Variants in NRSN1 observed in about 807,000 individuals in gnomAD.
The protein encoded by NRSN1 is neurensin 1.
A neutral mutation model predicts 17.3 loss-of-function variants in NRSN1; 14 were observed. The ratio of observed to expected loss-of-function variants is 0.81; its 90% CI spans 0.54 to 1.27. NRSN1 has a LOEUF of 1.27. NRSN1 is among the 50% of genes most tolerant of loss of function. NRSN1 has a pLI of 0.00. For missense variants in NRSN1, 209 were observed against 235.9 expected, an observed-to-expected ratio of 0.89 and a Z score of 0.75; for synonymous variants, 79 against 94.2, an observed-to-expected ratio of 0.84 and a Z score of 0.93.
chr6:24,127,220 A>C (rs1301204036), intron 1 of NRSN1, among the ~76,000 whole-genome samples: 1 of 152,174 alleles, frequency 6.6e-6, no homozygotes, highest in South Asian at 2.1e-4. Flanking sequence ...CAGGAGGCTA[A>C]TATAATTTGC....
At chr6:24,133,244 T>C (rs12210008) in intron 2 of NRSN1, among the ~76,000 whole-genome samples, 11,025 of 152,260 alleles carry the variant, frequency 0.072, 547 homozygotes, top group East Asian at 0.17. Flanking sequence ...AAAGGTTGTG[T>C]CCACTCTCCA....
At chr6:24,135,107 A>G (rs1052065587) in intron 3 of NRSN1, among the ~76,000 whole-genome samples, 7 of 152,202 alleles carry the variant, frequency 4.6e-5, no homozygotes, top group East Asian at 1.9e-4. Context: ...TCTGGAAGTT[A>G]AAGTGGTAAA....
intron 3 of NRSN1, chr6:24,141,315 C>G: frequency 8.7e-7 from 1 of 1,152,170 alleles, no homozygotes; most frequent in East Asian, 3.3e-5. Context: ...AATTTTTATC[C>G]TTTCCAGTAC....
chr6:24,146,000 G>A lies in NRSN1; in HGVS notation c.*54G>A. Reference sequence around the variant, plus strand: ...TGATTTATGCCCGTGGTTAAAAAGAGCAGGCCAGTTTTCGAGATAAAGAAG... The same window carrying A: ...TGATTTATGCCCGTGGTTAAAAAGAACAGGCCAGTTTTCGAGATAAAGAAG... On this transcript the variant is annotated 3_prime_UTR_variant, in exon 4 of 4. Coordinates refer to ENST00000378491, the MANE Select transcript of NRSN1 (RefSeq NM_080723.5). This position sits in a 1 kb window ranked among gnomAD's most constrained non-coding sequence, Gnocchi z 4.4. 1 of 1,541,290 alleles carries A rather than the reference G, an allele frequency of 6.5e-7. No individual in the cohort carries two copies. Among genetic ancestry groups the A allele is most frequent in the Non-Finnish European group, 8.8e-7 (1 of 1,132,656 alleles).
At chr6:24,131,797 C>T (rs1760034163) in intron 2 of NRSN1, among the ~76,000 whole-genome samples, 1 of 152,180 alleles carries the variant, frequency 6.6e-6, no homozygotes, top group Non-Finnish European at 1.5e-5. Flanking sequence ...AGAGATCGTC[C>T]TAGTGCTTAA....
intron 2 of NRSN1, chr6:24,129,534 T>G (rs1369133147): frequency 6.6e-6 from 1 of 152,110 alleles, no homozygotes; most frequent in Non-Finnish European, 1.5e-5. Flanking sequence ...ACATAGAATA[T>G]CAGATAGTAA....
chr6:24,145,739 C>A lies in NRSN1; in HGVS notation c.381C>A (p.Gly127=), dbSNP rs770402618. 6.2e-7 allele frequency: 1 copy of A among 1,614,114 alleles called. No homozygotes were observed. Among genetic ancestry groups the A allele is most frequent in the Non-Finnish European group, 8.5e-7 (1 of 1,179,962 alleles). Residue 127 remains glycine, a synonymous_variant, in exon 4 of 4, where the codon GGC becomes GGA. Transcript: ENST00000378491. The surrounding 1 kb of genome is among the most constrained non-coding windows in gnomAD (Gnocchi z 4.4). ...GAGCTGTTCTCTTCTGCATTGGAGG[C>A]ACGTCCATGGCAGGGTGCCTGCTGA... ...LAGAVLFCIG[G]TSMAGCLLMS... is the part of the protein sequence containing the mutation.
chr6:24,147,429 C>T lies in NRSN1; in HGVS notation c.*1483C>T, dbSNP rs1760326345. The T allele has an allele frequency of 6.7e-6, 1 of 149,520 alleles. No homozygotes were observed. Among genetic ancestry groups the T allele is most frequent in the Admixed American group, 6.7e-5 (1 of 14,850 alleles). The allele number at this position is 149,520 out of a possible 1,614,324, so 9.3% of individuals were successfully genotyped here. ...AACCTGAATTGCATTGTCATTCCTTCAGTGTGGTTATTTTCTCTCCAACAT... is the reference window on the plus strand; with the variant it reads ...AACCTGAATTGCATTGTCATTCCTTTAGTGTGGTTATTTTCTCTCCAACAT... On this transcript the variant is annotated 3_prime_UTR_variant, in exon 4 of 4. Transcript: ENST00000378491.
At position 24,142,188 on chromosome 6, in the gene NRSN1, C is replaced by T. The variant is rs560335736; in HGVS notation, c.190-3360C>T. Among the ~76,000 whole-genome samples, 4 of 25,144 alleles carry T rather than the reference C, an allele frequency of 1.6e-4. No homozygotes were observed. The South Asian group carries it at 3.4e-3, about 21-fold the overall frequency. 16.5% of individuals were successfully genotyped at this position (25,144 alleles called of 152,430 possible). On this transcript the variant is annotated intron_variant, in intron 3 of 3. Coordinates refer to ENST00000378491, the MANE Select transcript of NRSN1 (RefSeq NM_080723.5). The stretch of plus-strand genomic sequence containing the variant: ...CGTAGCACTTATGTCTTATACAGAA[C>T]AGCTTTTTTTTTTTTTTTTTTTTTT...
intron 3 of NRSN1, among the ~76,000 whole-genome samples, chr6:24,136,077 T>C (rs901954605): frequency 6.6e-6 from 1 of 152,212 alleles, no homozygotes; most frequent in Non-Finnish European, 1.5e-5. Flanking sequence ...AGCTCTTTTG[T>C]TTAATCATTC....
At position 24,137,980 on chromosome 6, in the gene NRSN1, G is replaced by T. The variant is rs545443599; in HGVS notation, c.189+3464G>T. Among the ~76,000 whole-genome samples the T allele has an allele frequency of 3.3e-5, 5 of 152,176 alleles. No homozygotes were observed. The South Asian group carries it at 8.3e-4, about 25-fold the overall frequency. ...ACTGCAAAGAGTTCCCTGTGGCTGG[G>T]GTAAATGTTCAAAAGTTGAAGAAGA... is the stretch of plus-strand genomic sequence containing the variant. On this transcript the variant is annotated intron_variant, in intron 3 of 3. Coordinates refer to ENST00000378491, the MANE Select transcript of NRSN1 (RefSeq NM_080723.5).
At chr6:24,130,461 T>A (rs908840236) in intron 2 of NRSN1, among the ~76,000 whole-genome samples, 25 of 152,156 alleles carry the variant, frequency 1.6e-4, no homozygotes, top group African/African-American at 5.8e-4. Flanking sequence ...TCTGTTGAGA[T>A]TTTGTAGGTC....
intron 3 of NRSN1, among the ~76,000 whole-genome samples, chr6:24,143,841 T>C: frequency 6.6e-6 from 1 of 152,210 alleles, no homozygotes; most frequent in East Asian, 1.9e-4. Context: ...ATAGTCTCAT[T>C]TAGTCCTCAC....
At chr6:24,143,239 C>A (rs2113717928) in intron 3 of NRSN1, among the ~76,000 whole-genome samples, 2 of 152,308 alleles carry the variant, frequency 1.3e-5, no homozygotes, top group Middle Eastern at 6.8e-3. Flanking sequence ...TCAGATGATC[C>A]ACCCACCTTG....
chr6:24,131,776 G>C (rs796233545), intron 2 of NRSN1, among the ~76,000 whole-genome samples: 17 of 152,288 alleles, frequency 1.1e-4, no homozygotes, highest in African/African-American at 4.1e-4. Context: ...GCATTAAATA[G>C]AAGGTACTGA....
intron 2 of NRSN1, among the ~76,000 whole-genome samples, chr6:24,131,649 C>T (rs1436754821): frequency 6.6e-6 from 1 of 152,080 alleles, no homozygotes; most frequent in Non-Finnish European, 1.5e-5. Flanking sequence ...GTAATACCAA[C>T]CCCATCTCAC....
intron 3 of NRSN1, among the ~76,000 whole-genome samples, chr6:24,141,871 A>C (rs1049028632): frequency 6.6e-6 from 1 of 152,164 alleles, no homozygotes; most frequent in Non-Finnish European, 1.5e-5. Flanking sequence ...ACAGACACAC[A>C]CTGGTCTCAC....
intron 3 of NRSN1, among the ~76,000 whole-genome samples, chr6:24,142,476 G>T (rs1001640456): frequency 6.6e-6 from 1 of 151,212 alleles, no homozygotes; most frequent in East Asian, 1.9e-4. Flanking sequence ...TTTTTTTCCC[G>T]AGACAGAGTC....
At chr6:24,143,124 T>G (rs1321980780) in intron 3 of NRSN1, among the ~76,000 whole-genome samples, 1 of 152,186 alleles carries the variant, frequency 6.6e-6, no homozygotes, top group Non-Finnish European at 1.5e-5. Context: ...CACAGAGCAC[T>G]GATTGGTGTG....
Sources: allele counts gnomAD v4.1 joint callset (sites outside exome capture counted in the v4.1 genomes callset), GRCh38; gene constraint gnomAD v4.1.1; non-coding constraint Gnocchi (gnomAD v3.1); transcripts MANE v1.5; gene names NCBI Gene and HGNC (gene_info 2026-07-23, HGNC 2026-07-21).